The following XYLT1 variants were observed in gnomAD, a reference collection of about 807,000 sequenced individuals.
The protein encoded by XYLT1 is beta-D-xylosyltransferase 1.
A neutral mutation model predicts 91.3 loss-of-function variants in XYLT1; 36 were observed. That is an observed-to-expected ratio of 0.39 (90% CI 0.30 to 0.52). XYLT1 has a LOEUF of 0.52. Ranked by LOEUF, XYLT1 falls within the 20% of genes least tolerant of loss-of-function variation. The pLI is 0.68. For missense variants in XYLT1, 1,242 were observed against 1,284.5 expected (o/e 0.97, Z 0.51); for synonymous variants, 588 against 532.0 (o/e 1.11, Z -1.45).
At chr16:17,138,647 A>T in intron 7 of XYLT1, 116 bp from the exon 8 acceptor site, 1 of 1,267,366 alleles carries the variant, frequency 7.9e-7, no homozygotes, top group Non-Finnish European at 1.1e-6. Flanking sequence ...TGTTTAAAAG[A>T]ATGTGGCATC....
chr16:17,357,912 G>C (rs2035323856), intron 2 of XYLT1, 100 bp downstream of exon 2: 1 of 1,317,622 alleles, frequency 7.6e-7, no homozygotes, highest in Non-Finnish European at 1.1e-6. Flanking sequence ...ACCAGGGGCA[G>C]CCATGGGCCT....
At chr16:17,310,363 C>A (rs1006604088) in intron 2 of XYLT1, among the ~76,000 whole-genome samples, 1 of 152,202 alleles carries the variant, frequency 6.6e-6, no homozygotes, top group Non-Finnish European at 1.5e-5. Context: ...TGGGTCAAGA[C>A]TCACAGTCAT....
intron 2 of XYLT1, among the ~76,000 whole-genome samples, chr16:17,337,414 G>A (rs1257707284): frequency 1.3e-5 from 2 of 152,040 alleles, no homozygotes; most frequent in Admixed American, 1.3e-4. Flanking sequence ...CAAACTCTAG[G>A]GCTCAAGCGA....
rs773329278 is a variant in XYLT1, at chr16:17,259,045, G to T, written c.856C>A (p.Arg286Ser). ...CRQEIGETYC[R>S]HKLGLLMPEK... is the part of the protein sequence containing the mutation. ...GGCATCAGCAGCCCTAACTTGTGGC[G>T]GCAGTAAGTCTCCCCAATCTCCTGG... The change falls in exon 3 of 12, where the codon CGC becomes AGC. Residue 286 changes from arginine to serine, a missense_variant. Arg to Ser is a moderately radical substitution (Grantham distance 110). Around this residue, in one of 3 missense-constraint regions of XYLT1, gnomAD observed 437 missense variants for 411.5 expected, o/e 1.06. Transcript: ENST00000261381. The T allele has an allele frequency of 6.6e-7, 1 of 1,515,710 alleles. No homozygotes were observed. Among genetic ancestry groups the T allele is most frequent in the Non-Finnish European group, 8.8e-7 (1 of 1,132,238 alleles). The allele number at this position is 1,515,710 out of a possible 1,614,324, so 93.9% of individuals were successfully genotyped here.
intron 3 of XYLT1, among the ~76,000 whole-genome samples, chr16:17,207,621 C>G (rs2141596010): frequency 6.6e-6 from 1 of 152,300 alleles, no homozygotes; most frequent in Admixed American, 6.5e-5. Flanking sequence ...ATCCAGCAAA[C>G]TGGATGGAGG....
rs548100987 is a variant in XYLT1, at chr16:17,234,959, G to C, written c.913+24029C>G. ...CTTCAACTGCAACTGAGCAAAATAGGTAATGGAGGATCATTTGATCTACAT... is the reference window on the plus strand; with the variant it reads ...CTTCAACTGCAACTGAGCAAAATAGCTAATGGAGGATCATTTGATCTACAT... On this transcript the variant is annotated intron_variant, in intron 3 of 11. Transcript: ENST00000261381. Among the ~76,000 whole-genome samples, 10 of 152,160 alleles carry C rather than the reference G, an allele frequency of 6.6e-5. 1 individual carries two copies. Among genetic ancestry groups the C allele is most frequent in the African/African-American group, 2.2e-4 (9 of 41,502 alleles).
In XYLT1 at chr16:17,198,217, G is replaced by T. The variant is rs28709752; in HGVS notation, c.1284C>A (p.Pro428=). The change falls in exon 5 of 12, where the codon CCC becomes CCA. Residue 428 remains proline, a synonymous_variant. Coordinates refer to ENST00000261381, the MANE Select transcript of XYLT1 (RefSeq NM_022166.4). The part of the protein sequence containing the change: ...FFINLSAADY[P]IRTNDQLVAF... ...GGGGCCCTTGGCTGCCTTACCTGATGGGGTAGTCGGCCGCACTCAGGTTGA... is the reference window on the plus strand; with the variant it reads ...GGGGCCCTTGGCTGCCTTACCTGATTGGGTAGTCGGCCGCACTCAGGTTGA... The T allele has an allele frequency of 7.4e-6, 12 of 1,613,876 alleles. No homozygotes were observed. In the African/African-American group the frequency reaches 8.0e-5, roughly 11 times the overall value.
At chr16:17,234,753 C>T (rs1003947166) in intron 3 of XYLT1, among the ~76,000 whole-genome samples, 8 of 151,660 alleles carry the variant, frequency 5.3e-5, no homozygotes, top group African/African-American at 1.7e-4. Flanking sequence ...AGGTTCAAGT[C>T]TACCCTGAGC....
chr16:17,346,016 G>T (rs527420157), intron 2 of XYLT1, among the ~76,000 whole-genome samples: 12 of 152,226 alleles, frequency 7.9e-5, no homozygotes, highest in Admixed American at 2.6e-4. Flanking sequence ...TCGCCATGTT[G>T]GTCAGGCTGG....
At chr16:17,147,546 G>A (rs1437167423) in intron 6 of XYLT1, among the ~76,000 whole-genome samples, 1 of 152,208 alleles carries the variant, frequency 6.6e-6, no homozygotes, top group Non-Finnish European at 1.5e-5. Flanking sequence ...GAGATGGGTT[G>A]CTGTATTTAT....
intron 2 of XYLT1, among the ~76,000 whole-genome samples, chr16:17,304,147 G>A (rs568114584): frequency 1.3e-5 from 2 of 152,228 alleles, no homozygotes; most frequent in South Asian, 2.1e-4. Flanking sequence ...CTGTCAGTTG[G>A]TAATAACCAT....
At chr16:17,418,872 G>A (rs1469127445) in intron 1 of XYLT1, among the ~76,000 whole-genome samples, 1 of 151,570 alleles carries the variant, frequency 6.6e-6, no homozygotes, top group African/African-American at 2.4e-5. Flanking sequence ...TAAATAAAAA[G>A]GCTGTTCTTA....
chr16:17,258,091 G>A (rs1178512240), intron 3 of XYLT1, among the ~76,000 whole-genome samples: 3 of 151,782 alleles, frequency 2.0e-5, no homozygotes, highest in Admixed American at 2.0e-4. Context: ...CAGGTCATCC[G>A]CACATAAAAG....
intron 3 of XYLT1, among the ~76,000 whole-genome samples, chr16:17,214,923 C>A (rs753218383): frequency 1.4e-4 from 22 of 152,162 alleles, no homozygotes; most frequent in Non-Finnish European, 2.6e-4. Flanking sequence ...TTCTGTTTCT[C>A]GATGCTGAGG....
At chr16:17,417,096 A>G (rs1403566604) in intron 1 of XYLT1, among the ~76,000 whole-genome samples, 19 of 152,198 alleles carry the variant, frequency 1.2e-4, no homozygotes, top group Admixed American at 1.2e-3. Flanking sequence ...TTGACCCTGG[A>G]GGAAGGAGGT....
chr16:17,401,150 T>G (rs1234735439), intron 1 of XYLT1, among the ~76,000 whole-genome samples: 3 of 152,132 alleles, frequency 2.0e-5, no homozygotes, highest in Non-Finnish European at 4.4e-5. Flanking sequence ...CTGGAAAGCT[T>G]GCAAGGGAGA....
intron 2 of XYLT1, among the ~76,000 whole-genome samples, chr16:17,353,810 G>C (rs969337244): frequency 6.6e-6 from 1 of 152,186 alleles, no homozygotes; most frequent in Non-Finnish European, 1.5e-5. Context: ...ACTAGTCAAG[G>C]CAACTTTATT....
intron 3 of XYLT1, among the ~76,000 whole-genome samples, chr16:17,215,390 T>G (rs1026467544): frequency 3.9e-5 from 6 of 151,980 alleles, no homozygotes; most frequent in Non-Finnish European, 7.4e-5. Flanking sequence ...GGTGGAGCCT[T>G]GAATTTAGGG....
chr16:17,408,900 G>A (rs2036067403), intron 1 of XYLT1, among the ~76,000 whole-genome samples: 2 of 152,054 alleles, frequency 1.3e-5, no homozygotes, highest in South Asian at 2.1e-4. Flanking sequence ...GATATTGGTG[G>A]GGGTGGCATC....
Sources: allele counts gnomAD v4.1 joint callset (sites outside exome capture counted in the v4.1 genomes callset), GRCh38; gene constraint gnomAD v4.1.1; regional missense constraint gnomAD v4.1.1; transcripts MANE v1.5; gene names NCBI Gene and HGNC (gene_info 2026-07-23, HGNC 2026-07-21).